The following PAPPA2 variants were observed in gnomAD, a reference collection of about 807,000 sequenced individuals.
The protein encoded by PAPPA2 is pappalysin 2.
A neutral mutation model predicts 176.4 loss-of-function variants in PAPPA2; 86 were observed. The ratio of observed to expected loss-of-function variants is 0.49; its 90% CI spans 0.41 to 0.58. The LOEUF (loss-of-function observed/expected upper bound fraction) is 0.58, where lower values mean the gene tolerates loss of function less well. Among genes scored for constraint, PAPPA2 ranks in the 20% least tolerant of loss-of-function variants. The pLI is 0.00. For missense variants in PAPPA2, 2,073 were observed against 2,256.9 expected (o/e 0.92, Z 1.65); for synonymous variants, 809 against 852.2 (o/e 0.95, Z 0.88).
chr1:176,488,090 T>C (rs1393714511), intron 1 of PAPPA2, among the ~76,000 whole-genome samples: 1 of 152,224 alleles, frequency 6.6e-6, no homozygotes, highest in Non-Finnish European at 1.5e-5. Flanking sequence ...ATGATATTGT[T>C]GTTTCTCTAG....
chr1:176,477,168 C>A (rs1652167077), intron 1 of PAPPA2, among the ~76,000 whole-genome samples: 1 of 152,182 alleles, frequency 6.6e-6, no homozygotes. Flanking sequence ...CCATTAAAAT[C>A]TACCACCCCA....
chr1:176,662,184 T>G (rs1458102356), intron 3 of PAPPA2, among the ~76,000 whole-genome samples: 5 of 152,156 alleles, frequency 3.3e-5, no homozygotes, highest in Non-Finnish European at 2.9e-5. Context: ...AAACTTACAA[T>G]CTATGTGATC....
intron 15 of PAPPA2, among the ~76,000 whole-genome samples, chr1:176,766,536 T>G (rs185699305): frequency 1.4e-3 from 210 of 152,348 alleles, no homozygotes; most frequent in African/African-American, 4.8e-3. Flanking sequence ...GTTTTCACAT[T>G]TTTTAAATGA....
At chr1:176,497,255 A>T (rs1647681979) in intron 1 of PAPPA2, among the ~76,000 whole-genome samples, 1 of 152,124 alleles carries the variant, frequency 6.6e-6, no homozygotes. Flanking sequence ...CAATCTGTAG[A>T]CCTTCATTTT....
intron 1 of PAPPA2, among the ~76,000 whole-genome samples, chr1:176,527,984 T>C (rs1272511615): frequency 6.6e-6 from 1 of 152,166 alleles, no homozygotes; most frequent in African/African-American, 2.4e-5. Flanking sequence ...ACTTTTCTGG[T>C]TTTAAAACCC....
At chr1:176,497,269 C>T (rs1469788097) in intron 1 of PAPPA2, among the ~76,000 whole-genome samples, 1 of 152,120 alleles carries the variant, frequency 6.6e-6, no homozygotes, top group African/African-American at 2.4e-5. Flanking sequence ...TCATTTTGGG[C>T]TTCTACGACC....
rs939702944 is a variant in PAPPA2, at chr1:176,491,116, C to T, written c.-917+27698C>T. On this transcript the variant is annotated intron_variant, in intron 1 of 22. Coordinates refer to ENST00000367662, the MANE Select transcript of PAPPA2 (RefSeq NM_020318.3). ...TTGAAGACTGTAGCTCTTGAGAAGT[C>T]GAGATAACTTTGTTCTTTGATCAGA... 3.3e-5 allele frequency among the ~76,000 whole-genome samples: 5 copies of T among 152,188 alleles called. No individual in the cohort carries two copies. In the South Asian group the frequency reaches 8.3e-4, roughly 25 times the overall value.
intron 4 of PAPPA2, among the ~76,000 whole-genome samples, chr1:176,679,656 G>T (rs1659484023): frequency 6.6e-6 from 1 of 152,144 alleles, no homozygotes; most frequent in South Asian, 2.1e-4. Context: ...GCAGTTGTCT[G>T]CAAGGAAGGC....
chr1:176,830,101 G>A (rs1571390437), intron 21 of PAPPA2, among the ~76,000 whole-genome samples: 1 of 152,162 alleles, frequency 6.6e-6, no homozygotes, highest in Non-Finnish European at 1.5e-5. Context: ...GGGCATGGTG[G>A]TTTATACCTG....
At chr1:176,784,472 T>C (rs919393242) in intron 17 of PAPPA2, among the ~76,000 whole-genome samples, 1 of 152,154 alleles carries the variant, frequency 6.6e-6, no homozygotes, top group East Asian at 1.9e-4. Flanking sequence ...CAGAACACCA[T>C]AGATGGGTGG....
intron 20 of PAPPA2, among the ~76,000 whole-genome samples, chr1:176,794,442 A>C (rs1476301413): frequency 6.6e-6 from 1 of 152,232 alleles, no homozygotes; most frequent in East Asian, 1.9e-4. Context: ...CACTTAGTAC[A>C]AATCTTACCC....
At chr1:176,618,278 C>T (rs1478067770) in intron 3 of PAPPA2, among the ~76,000 whole-genome samples, 1 of 152,114 alleles carries the variant, frequency 6.6e-6, no homozygotes, top group African/African-American at 2.4e-5. Flanking sequence ...TTCTGAGTCC[C>T]ATTTTGTCAA....
chr1:176,699,793 C>T (rs1571195295), intron 8 of PAPPA2, among the ~76,000 whole-genome samples: 1 of 152,176 alleles, frequency 6.6e-6, no homozygotes, highest in South Asian at 2.1e-4. Context: ...ATTGCTGATG[C>T]CATCATCATG....
intron 3 of PAPPA2, among the ~76,000 whole-genome samples, chr1:176,639,450 G>T (rs1037580018): frequency 7.2e-5 from 11 of 151,944 alleles, no homozygotes; most frequent in Non-Finnish European, 1.6e-4. Flanking sequence ...ATCTAATTTG[G>T]CTTTTTTATT....
Position 176,765,728 on chromosome 1 carries a change from A to T in PAPPA2, c.4214A>T (p.Asp1405Val). Residue 1405 changes from aspartate (D) to valine (V), a missense_variant, in exon 15 of 23, where the codon GAT becomes GTT. Physicochemically the swap from Asp to Val is radical, Grantham distance 152 (BLOSUM62 -3). This residue lies in a region of PAPPA2 where 846 missense variants were observed against 857.9 expected (regional missense o/e 0.99). Transcript: ENST00000367662. ...CCGTCATTGCTGCTTGATCATGCTGATGTGGTGAACTGTACCTCTATAGGC... is the reference window on the plus strand; with the variant it reads ...CCGTCATTGCTGCTTGATCATGCTGTTGTGGTGAACTGTACCTCTATAGGC... ...SCPSLLLDHA[D>V]VVNCTSIGPG... The T allele has an allele frequency of 6.2e-7, 1 of 1,613,976 alleles. No homozygotes were observed. Among genetic ancestry groups the T allele is most frequent in the South Asian group, 1.1e-5 (1 of 91,080 alleles).
At chr1:176,643,931 C>T (rs563922534) in intron 3 of PAPPA2, among the ~76,000 whole-genome samples, 1 of 151,946 alleles carries the variant, frequency 6.6e-6, no homozygotes, top group East Asian at 2.0e-4. Flanking sequence ...CCAACTCTTG[C>T]AGCAGAGGAG....
Position 176,800,066 on chromosome 1 carries a change from T to G in PAPPA2, c.5136T>G (p.Ile1712Met). 1 of 1,614,064 alleles carries G rather than the reference T, an allele frequency of 6.2e-7. No individual in the cohort carries two copies. The highest frequency in any genetic ancestry group is 2.2e-5 in the East Asian group (1 of 44,880). Reference protein sequence around the residue: ...HWMEPVKVQSIVCTGRRQWHP... With the variant: ...HWMEPVKVQSMVCTGRRQWHP... ...TTTCCCGTCTTTCCCCTTAGAGCAT[T>G]GTGTGCACTGGCCGGCGTCAATGGC... is the stretch of plus-strand genomic sequence containing the variant. The change falls in exon 21 of 23, where the codon ATT (isoleucine) becomes ATG (methionine). Residue 1712 changes from isoleucine (I) to methionine (M), a missense_variant. Physicochemically the swap from Ile to Met is conservative, Grantham distance 10. Around this residue, in one of 4 missense-constraint regions of PAPPA2, gnomAD observed 846 missense variants for 857.9 expected, o/e 0.99. Transcript: ENST00000367662.
intron 1 of PAPPA2, among the ~76,000 whole-genome samples, chr1:176,476,949 G>C (rs915412052): frequency 6.6e-6 from 1 of 152,132 alleles, no homozygotes; most frequent in Admixed American, 6.5e-5. Flanking sequence ...CCATGTTGGT[G>C]AGACACCGGG....
At chr1:176,836,362 A>G (rs1036521591) in intron 21 of PAPPA2, among the ~76,000 whole-genome samples, 5 of 152,238 alleles carry the variant, frequency 3.3e-5, no homozygotes, top group Non-Finnish European at 5.9e-5. Flanking sequence ...ATTCAGTCCC[A>G]TGCCTTACCT....
Sources: allele counts gnomAD v4.1 joint callset (sites outside exome capture counted in the v4.1 genomes callset), GRCh38; gene constraint gnomAD v4.1.1; regional missense constraint gnomAD v4.1.1; transcripts MANE v1.5; gene names NCBI Gene and HGNC (gene_info 2026-07-23, HGNC 2026-07-21).